ZNF524: variants seen among roughly 807,000 people sequenced by gnomAD.
ZNF524 encodes zinc finger protein 524.
For synonymous variants in ZNF524, 194 were observed against 166.3 expected (o/e 1.17, Z -1.28); for missense variants, 388 against 380.1 (o/e 1.02, Z -0.17).
intron 1 of ZNF524, 27 bp from the exon 2 acceptor site, chr19:55,602,048 A>G: frequency 1.4e-6 from 2 of 1,463,062 alleles, no homozygotes; most frequent in Non-Finnish European, 1.8e-6. Flanking sequence ...CCCTGTGAGC[A>G]CTGACTCTGC....
upstream of ZNF524, chr19:55,599,897 A>G (rs1472178329): frequency 1.3e-5 from 2 of 152,076 alleles, no homozygotes; most frequent in African/African-American, 4.8e-5. Flanking sequence ...GAAGTGCGCC[A>G]ACTGCAATAC....
rs1568521356 is a variant in ZNF524, at chr19:55,602,233, TC to T, written c.123del (p.Ser42GlnfsTer31). Reference protein sequence around the residue: ...RRGRRPGGATSSNRTLKASLP... With the variant: ...RRGRRPGGATXSNRTLKASLP... Reference sequence around the variant, plus strand: ...AGGCCGTCGTCCTGGGGGAGCCACCTCCTCAAATCGGACACTCAAGGCCTCC... The same window carrying T: ...AGGCCGTCGTCCTGGGGGAGCCACCTCTCAAATCGGACACTCAAGGCCTCC... On this transcript the variant is annotated frameshift_variant, in exon 2 of 2. Transcript: ENST00000301073. LOFTEE classifies it low-confidence loss of function (END_TRUNC). 1 of 1,612,200 alleles carries T rather than the reference TC, an allele frequency of 6.2e-7. No individual in the cohort carries two copies. The highest frequency in any genetic ancestry group is 8.5e-7 in the Non-Finnish European group (1 of 1,179,428).
chr19:55,600,279 C>T (rs1413661268), upstream of ZNF524: 1 of 149,576 alleles, frequency 6.7e-6, no homozygotes, highest in Admixed American at 6.6e-5. Flanking sequence ...GGGGCCGGCA[C>T]CGCGCGCCGC....
At position 55,602,153 on chromosome 19, in the gene ZNF524, C is replaced by T. The variant is rs759652771; in HGVS notation, c.41C>T (p.Pro14Leu). 1.9e-6 allele frequency: 3 copies of T among 1,571,642 alleles called. No homozygotes were observed. The South Asian group carries it at 3.5e-5, about 18-fold the overall frequency. The change falls in exon 2 of 2, where the codon CCC becomes CTC. Residue 14 changes from proline (P) to leucine (L), a missense_variant. Coordinates refer to ENST00000301073, the MANE Select transcript of ZNF524 (RefSeq NM_153219.4). The stretch of plus-strand genomic sequence containing the variant: ...CCAGACCCGTTGCCTTCGCCTTTGC[C>T]CGGGGAGGAAGAGAAACCTCTGGCC... ...PSPDPLPSPL[P>L]GEEEKPLALS... is the part of the protein sequence containing the mutation.
chr19:55,601,848 T>G, intron 1 of ZNF524: 1 of 350,748 alleles, frequency 2.9e-6, no homozygotes, highest in Non-Finnish European at 5.1e-6. Context: ...GAAGGAGAGT[T>G]AGGGAGGCAT....
Position 55,602,754 on chromosome 19 carries a change from G to A in ZNF524, c.642G>A (p.Arg214=). 6.2e-7 allele frequency: 1 copy of A among 1,609,128 alleles called. No individual in the cohort carries two copies. The highest frequency in any genetic ancestry group is 8.5e-7 in the Non-Finnish European group (1 of 1,179,854). Residue 214 remains arginine, a synonymous_variant, in exon 2 of 2, where the codon CGG becomes CGA. Coordinates refer to ENST00000301073, the MANE Select transcript of ZNF524 (RefSeq NM_153219.4). The stretch of plus-strand genomic sequence containing the variant: ...GCTTTACAGAGGCCAACACGCTCCG[G>A]CGCCATGCGAAGCGCAAGCACCCGG... ...RLRFTEANTL[R]RHAKRKHPEA...
chr19:55,602,375 A>G lies in ZNF524; in HGVS notation c.263A>G (p.Asp88Gly), dbSNP rs1207820026. ...GGCGGGAGCGACCTCCTCCTGATCG[A>G]TGATCAGGGTGTGCCCTATACGGTC... ...SSGGSDLLLIDDQGVPYTVSE... is the reference protein window; with the variant it reads ...SSGGSDLLLIGDQGVPYTVSE... Residue 88 changes from aspartate to glycine, a missense_variant, in exon 2 of 2, where the codon GAT becomes GGT. Coordinates refer to ENST00000301073, the MANE Select transcript of ZNF524 (RefSeq NM_153219.4). 7 of 1,566,400 alleles carry G rather than the reference A, an allele frequency of 4.5e-6. No individual in the cohort carries two copies. Among genetic ancestry groups the G allele is most frequent in the Non-Finnish European group, 6.1e-6 (7 of 1,156,426 alleles).
At chr19:55,600,053 G>A (rs1341310931), upstream of ZNF524, 1 of 152,426 alleles carries the variant, frequency 6.6e-6, no homozygotes, top group Non-Finnish European at 1.5e-5. Context: ...ACCCGACTGT[G>A]GGCTTTGTGA....
chr19:55,603,029 G>C lies in ZNF524; in HGVS notation c.*122G>C. 3.2e-6 allele frequency: 4 copies of C among 1,235,320 alleles called. No homozygotes were observed. The South Asian group carries it at 6.4e-5, about 20-fold the overall frequency. The allele number at this position is 1,235,320 out of a possible 1,614,324, so 76.5% of individuals were successfully genotyped here. ...GGTGGTCTTCCCGTTGTGGGAGCAGGTGGAGGGTGGAGACCTAAACTTTGG... is the reference window on the plus strand; with the variant it reads ...GGTGGTCTTCCCGTTGTGGGAGCAGCTGGAGGGTGGAGACCTAAACTTTGG... On this transcript the variant is annotated 3_prime_UTR_variant, in exon 2 of 2. Transcript: ENST00000301073.
rs1403447148 is a variant in ZNF524 at position 55,602,812 on chromosome 19, C to G, written c.700C>G (p.Pro234Ala). The G allele has an allele frequency of 1.2e-6, 2 of 1,611,234 alleles. No homozygotes were observed. The highest frequency in any genetic ancestry group is 3.3e-5 in the Admixed American group (2 of 59,916). Residue 234 changes from proline to alanine, a missense_variant, in exon 2 of 2, where the codon CCA becomes GCA. Coordinates refer to ENST00000301073, the MANE Select transcript of ZNF524 (RefSeq NM_153219.4). ...GGGGGTACCCCTGTGTGCACCAGAT[C>G]CAGGGTCTGAACCGCCGTGGGACGA... ...AMGVPLCAPD[P>A]GSEPPWDEEG...
chr19:55,600,120 G>C (rs907750248), upstream of ZNF524: 14 of 152,212 alleles, frequency 9.2e-5, no homozygotes, highest in African/African-American at 3.4e-4. Context: ...TCCCACTGGG[G>C]ACACACCAGG....
upstream of ZNF524, chr19:55,599,902 C>G (rs1980557105): frequency 6.6e-6 from 1 of 152,222 alleles, no homozygotes; most frequent in Admixed American, 6.5e-5. Context: ...GCGCCAACTG[C>G]AATACAGAGC....
At chr19:55,601,294 G>C (rs946709732) in intron 1 of ZNF524, 26 of 152,182 alleles carry the variant, frequency 1.7e-4, no homozygotes, top group African/African-American at 6.0e-4. Context: ...CTGCAAAATG[G>C]GACAGATATG....
Position 55,602,288 on chromosome 19 carries a change from A to C in ZNF524, c.176A>C (p.Lys59Thr). ...SLPRKRGRPP[K>T]SGQEPPLVQV... ...CCTCGCAAGCGGGGCCGCCCCCCCA[A>C]GTCAGGGCAGGAGCCCCCACTGGTG... The change falls in exon 2 of 2, where the codon AAG (lysine) becomes ACG (threonine). Residue 59 changes from lysine (K) to threonine (T), a missense_variant. Physicochemically the swap from Lys to Thr is moderately conservative, Grantham distance 78. Coordinates refer to ENST00000301073, the MANE Select transcript of ZNF524 (RefSeq NM_153219.4). The C allele has an allele frequency of 6.3e-7, 1 of 1,587,110 alleles. No individual in the cohort carries two copies. Among genetic ancestry groups the C allele is most frequent in the Non-Finnish European group, 8.6e-7 (1 of 1,166,862 alleles).
rs752446055 is a variant in ZNF524 at position 55,602,809 on chromosome 19, G to C, written c.697G>C (p.Asp233His). The C allele has an allele frequency of 1.9e-6, 3 of 1,611,270 alleles. No individual in the cohort carries two copies. Among genetic ancestry groups the C allele is most frequent in the African/African-American group, 2.7e-5 (2 of 75,076 alleles). Residue 233 changes from aspartate (D) to histidine (H), a missense_variant, in exon 2 of 2, where the codon GAT (aspartate) becomes CAT (histidine). Coordinates refer to ENST00000301073, the MANE Select transcript of ZNF524 (RefSeq NM_153219.4). The stretch of plus-strand genomic sequence containing the variant: ...CATGGGGGTACCCCTGTGTGCACCA[G>C]ATCCAGGGTCTGAACCGCCGTGGGA... ...EAMGVPLCAPDPGSEPPWDEE... is the reference protein window; with the variant it reads ...EAMGVPLCAPHPGSEPPWDEE...
At chr19:55,602,021 C>A in intron 1 of ZNF524, 54 bp from the exon 2 acceptor site, 2 of 1,231,302 alleles carry the variant, frequency 1.6e-6, no homozygotes, top group Non-Finnish European at 2.2e-6. Flanking sequence ...TGTTGGGGGA[C>A]ACAGGGGTGC....
chr19:55,602,139 G>A lies in ZNF524; in HGVS notation c.27G>A (p.Leu9=). 1 of 1,557,306 alleles carries A rather than the reference G, an allele frequency of 6.4e-7. No individual in the cohort carries two copies. The highest frequency in any genetic ancestry group is 2.2e-5 in the East Asian group (1 of 44,446). Residue 9 remains leucine (L), a synonymous_variant, in exon 2 of 2, where the codon TTG becomes TTA. Coordinates refer to ENST00000301073, the MANE Select transcript of ZNF524 (RefSeq NM_153219.4). Reference sequence around the variant, plus strand: ...TGGACACCCCCAGCCCAGACCCGTTGCCTTCGCCTTTGCCCGGGGAGGAAG... The same window carrying A: ...TGGACACCCCCAGCCCAGACCCGTTACCTTCGCCTTTGCCCGGGGAGGAAG... MDTPSPDP[L]PSPLPGEEEK... is the part of the protein sequence containing the mutation.
rs751493030 is a variant in ZNF524, at chr19:55,602,437, C to T, written c.325C>T (p.Pro109Ser). Residue 109 changes from proline to serine, a missense_variant, in exon 2 of 2, where the codon CCC becomes TCC. Transcript: ENST00000301073. The part of the protein sequence containing the change: ...GSAAGPEGSG[P>S]RKAPHFCPVC... ...AGCGGCTGGGCCTGAGGGCTCTGGC[C>T]CCAGGAAGGCCCCACACTTCTGCCC... 4.4e-6 allele frequency: 7 copies of T among 1,593,414 alleles called. No individual in the cohort carries two copies. The African/African-American group carries it at 9.4e-5, about 21-fold the overall frequency.
chr19:55,600,493 A>G (rs1010680396), intron 1 of ZNF524, 85 bp downstream of exon 1: 2 of 145,304 alleles, frequency 1.4e-5, no homozygotes, highest in Non-Finnish European at 1.5e-5. Flanking sequence ...GCGCGCCTCC[A>G]ACACCTGTTC....
Sources: gnomAD v4.1 joint callset for allele counts on GRCh38, gnomAD v4.1.1 for gene constraint, MANE v1.5 for transcripts, NCBI Gene and HGNC (gene_info 2026-07-23, HGNC 2026-07-21) for gene names.